KIF1A: variants seen among roughly 807,000 people sequenced by gnomAD.
KIF1A encodes the protein kinesin family member 1A.
A neutral mutation model predicts 227.3 loss-of-function variants in KIF1A; 46 were observed. The observed-to-expected ratio is 0.20, with a 90% CI of 0.16 to 0.26. The LOEUF is 0.26. Ranked by LOEUF, KIF1A falls within the 10% of genes least tolerant of loss-of-function variation. KIF1A has a pLI of 1.00. For missense variants in KIF1A, 1,683 were observed against 2,485.9 expected, an observed-to-expected ratio of 0.68 and a Z score of 6.87; for synonymous variants, 1,022 against 1,012.8, an observed-to-expected ratio of 1.01 and a Z score of -0.17.
chr2:240,729,376 G>T (rs2046365677), intron 38 of KIF1A, among the ~76,000 whole-genome samples: 2 of 152,132 alleles, frequency 1.3e-5, no homozygotes, highest in Non-Finnish European at 2.9e-5. Flanking sequence ...AGAACCAGCA[G>T]GTCTTTCCCA....
At chr2:240,800,281 C>A (rs989890017) in intron 1 of KIF1A, among the ~76,000 whole-genome samples, 2 of 152,196 alleles carry the variant, frequency 1.3e-5, no homozygotes, top group African/African-American at 2.4e-5. Flanking sequence ...CACAGAGAAG[C>A]CTCTGTTCTT....
At chr2:240,816,831 G>A (rs996572873) in intron 1 of KIF1A, among the ~76,000 whole-genome samples, 3 of 152,220 alleles carry the variant, frequency 2.0e-5, no homozygotes, top group African/African-American at 7.2e-5. Context: ...GAGCAGGAGA[G>A]GTCAGGAGGC....
In KIF1A at chr2:240,788,947, T is replaced by A. The variant is rs1213615623; in HGVS notation, c.183+289A>T. Reference sequence around the variant, plus strand: ...CTTCCAGACAGGCTCAGGGTCAGCTTTGGGCATTCTGACTTTGGGATGTCT... The same window carrying A: ...CTTCCAGACAGGCTCAGGGTCAGCTATGGGCATTCTGACTTTGGGATGTCT... On this transcript the variant is annotated intron_variant, in intron 3 of 48. Coordinates refer to ENST00000498729, the MANE Select transcript of KIF1A (RefSeq NM_001244008.2). The surrounding 1 kb of genome is among the most constrained non-coding windows in gnomAD (Gnocchi z 6.6). 2.0e-5 allele frequency among the ~76,000 whole-genome samples: 3 copies of A among 151,972 alleles called. No homozygotes were observed.
Position 240,746,158 on chromosome 2 carries a change from G to A in KIF1A, c.3083C>T (p.Pro1028Leu). 6.4e-7 allele frequency: 1 copy of A among 1,565,794 alleles called. No homozygotes were observed. Among genetic ancestry groups the A allele is most frequent in the Non-Finnish European group, 8.7e-7 (1 of 1,155,780 alleles). ...TCCCGAGCGGGACATCCCCACCACG[G>A]GGCAAGACTCGGACTGGAACTGATC... ...HFEKFQSESC[P>L]VVGMSRSGTS... Residue 1028 changes from proline (P) to leucine (L), a missense_variant, in exon 30 of 49, where the codon CCC becomes CTC. By Grantham distance (98) the Pro-to-Leu change is moderately conservative. This residue lies in a region of KIF1A where 759 missense variants were observed against 1,020.2 expected (regional missense o/e 0.74). Transcript: ENST00000498729.
Position 240,752,697 on chromosome 2 carries a change from C to T in KIF1A, c.2859-2150G>A, listed in dbSNP as rs900159811. Among the ~76,000 whole-genome samples the T allele has an allele frequency of 6.6e-6, 1 of 152,134 alleles. No homozygotes were observed. The highest frequency in any genetic ancestry group is 2.4e-5 in the African/African-American group (1 of 41,418). The stretch of plus-strand genomic sequence containing the variant: ...GAGCCAGCCCCTGCCCTCCAGCCCC[C>T]ACCCACCCCACATTTTCCCAGAGCT... On this transcript the variant is annotated intron_variant, in intron 27 of 48. Transcript: ENST00000498729. This position sits in a 1 kb window ranked among gnomAD's most constrained non-coding sequence, Gnocchi z 6.4.
chr2:240,781,411 CCACA>C (rs1396045736), intron 10 of KIF1A, among the ~76,000 whole-genome samples: 1 of 38,210 alleles, frequency 2.6e-5, no homozygotes, highest in Non-Finnish European at 4.7e-5. Context: ...ACACACAGCT[CCACA>C]CACACACACA....
chr2:240,800,867 C>T (rs1295729622), intron 1 of KIF1A, among the ~76,000 whole-genome samples: 1 of 152,228 alleles, frequency 6.6e-6, no homozygotes, highest in Admixed American at 6.5e-5. Context: ...GGTACGAAAC[C>T]TAAGAGCAGG....
intron 1 of KIF1A, among the ~76,000 whole-genome samples, chr2:240,814,626 T>C (rs73104637): frequency 0.027 from 4,145 of 152,190 alleles, 198 homozygotes; most frequent in African/African-American, 0.093. Context: ...GGGAAAAAAC[T>C]CATTCAAGAA....
chr2:240,750,389 G>C (rs765840083), intron 28 of KIF1A, 40 bp downstream of exon 28: 2 of 1,494,078 alleles, frequency 1.3e-6, no homozygotes, highest in Non-Finnish European at 1.9e-6. Flanking sequence ...GCCAGCCCCA[G>C]GGGCTCCAAT....
At position 240,722,374 on chromosome 2, in the gene KIF1A, G is replaced by A. The variant is rs998609503; in HGVS notation, c.4665+82C>T. 1.2e-4 allele frequency: 164 copies of A among 1,348,616 alleles called. No individual in the cohort carries two copies. The East Asian group carries it at 1.5e-3, about 13-fold the overall frequency. 83.5% of individuals were successfully genotyped at this position (1,348,616 alleles called of 1,614,324 possible). A position where few individuals can be genotyped will look rare whatever the true frequency, so the allele number is the denominator to read the frequency against. On this transcript the variant is annotated intron_variant, in intron 43 of 48. Transcript: ENST00000498729. ...AACCAGAGCAGCCATGGGCAAGGCC[G>A]GGTTGCTGGAGTTGCCCAGAAATGA...
chr2:240,745,671 C>A, intron 31 of KIF1A, 67 bp downstream of exon 31: 1 of 1,566,330 alleles, frequency 6.4e-7, no homozygotes, highest in South Asian at 1.2e-5. Flanking sequence ...GCCCAGCACC[C>A]AGGCACGGGA....
At chr2:240,735,032 G>A (rs531587385) in intron 38 of KIF1A, among the ~76,000 whole-genome samples, 115 of 152,328 alleles carry the variant, frequency 7.5e-4, no homozygotes, top group African/African-American at 2.5e-3. Context: ...CGCCAGCACC[G>A]TCCATGGCAC....
intron 12 of KIF1A, among the ~76,000 whole-genome samples, chr2:240,773,892 G>A (rs1401970970): frequency 6.6e-6 from 1 of 152,178 alleles, no homozygotes; most frequent in African/African-American, 2.4e-5. Context: ...GCCGGCAGGT[G>A]AGTGTAAACT....
At chr2:240,773,933 C>A (rs2052377483) in intron 12 of KIF1A, among the ~76,000 whole-genome samples, 1 of 152,222 alleles carries the variant, frequency 6.6e-6, no homozygotes. Flanking sequence ...CTCTCCCAGT[C>A]TGGTGCCACG....
At chr2:240,756,451 A>G (rs1040158726) in intron 27 of KIF1A, among the ~76,000 whole-genome samples, 6 of 152,130 alleles carry the variant, frequency 3.9e-5, no homozygotes, top group Non-Finnish European at 8.8e-5. Context: ...GCAGGGTGGG[A>G]CGTCTGCTCC....
chr2:240,814,795 T>C (rs1422857786), intron 1 of KIF1A, among the ~76,000 whole-genome samples: 1 of 152,098 alleles, frequency 6.6e-6, no homozygotes, highest in African/African-American at 2.4e-5. Context: ...TACATGCCCA[T>C]AGTCCCAGCT....
intron 7 of KIF1A, 47 bp downstream of exon 7, chr2:240,784,941 CA>C: frequency 6.7e-7 from 1 of 1,491,318 alleles, no homozygotes; most frequent in Non-Finnish European, 9.4e-7. Flanking sequence ...CTACCCTGAC[CA>C]CCAGCCACTG....
intron 17 of KIF1A, 119 bp downstream of exon 17, chr2:240,769,014 G>T (rs1323958945): frequency 4.6e-6 from 4 of 860,864 alleles, no homozygotes; most frequent in Non-Finnish European, 5.8e-6. Flanking sequence ...CCAGTGCCTG[G>T]GCCAGAGCCC....
chr2:240,721,449 C>T (rs1162357208), intron 44 of KIF1A, among the ~76,000 whole-genome samples: 5 of 152,194 alleles, frequency 3.3e-5, no homozygotes, highest in Non-Finnish European at 5.9e-5. Flanking sequence ...GGGGTGGGGT[C>T]GGTCCCAGGA....
Sources: allele counts gnomAD v4.1 joint callset (sites outside exome capture counted in the v4.1 genomes callset), GRCh38; gene constraint gnomAD v4.1.1; regional missense constraint gnomAD v4.1.1; non-coding constraint Gnocchi (gnomAD v3.1); transcripts MANE v1.5; gene names NCBI Gene and HGNC (gene_info 2026-07-23, HGNC 2026-07-21).